Variants in MAGI2 observed in about 807,000 individuals in gnomAD.
MAGI2 encodes membrane associated guanylate kinase, WW and PDZ domain containing 2, also known as membrane-associated guanylate kinase, WW and PDZ domain-containing protein 2.
Under a neutral mutation model 133.3 loss-of-function variants are expected in MAGI2, and 35 were observed. The ratio of observed to expected loss-of-function variants is 0.26; its 90% CI spans 0.20 to 0.35. The LOEUF (loss-of-function observed/expected upper bound fraction) is 0.35. Among genes scored for constraint, MAGI2 ranks in the 10% least tolerant of loss-of-function variants. The probability of loss-of-function intolerance (pLI) is 1.00; values close to 1 mark genes in which losing one functional copy is unlikely to be tolerated. For missense variants in MAGI2, 1,636 were observed against 1,863.4 expected (o/e 0.88, Z 2.25); for synonymous variants, 729 against 710.6 (o/e 1.03, Z -0.41).
At chr7:78,483,524 G>A (rs1792647806) in intron 6 of MAGI2, among the ~76,000 whole-genome samples, 1 of 151,740 alleles carries the variant, frequency 6.6e-6, no homozygotes, top group Non-Finnish European at 1.5e-5. Flanking sequence ...ATCAATAACA[G>A]ATTCTGGGAC....
chr7:78,382,160 T>C (rs1281029476), intron 6 of MAGI2, among the ~76,000 whole-genome samples: 1 of 148,776 alleles, frequency 6.7e-6, no homozygotes, highest in Admixed American at 6.8e-5. Flanking sequence ...TATATGCAGA[T>C]CATATTGTTA....
chr7:79,248,095 T>C (rs1462684212), intron 1 of MAGI2, among the ~76,000 whole-genome samples: 1 of 151,926 alleles, frequency 6.6e-6, no homozygotes, highest in Non-Finnish European at 1.5e-5. Flanking sequence ...GAAAATAAGA[T>C]GCAATGATTT....
At chr7:78,443,114 T>C (rs2151463243) in intron 6 of MAGI2, among the ~76,000 whole-genome samples, 1 of 152,316 alleles carries the variant, frequency 6.6e-6, no homozygotes, top group Admixed American at 6.5e-5. Flanking sequence ...ATACTCTATC[T>C]AGACTTTGAA....
intron 1 of MAGI2, among the ~76,000 whole-genome samples, chr7:79,208,789 T>A (rs1829271014): frequency 6.6e-6 from 1 of 152,028 alleles, no homozygotes; most frequent in Admixed American, 6.6e-5. Flanking sequence ...TAAGTGTTCA[T>A]CAGTGGATGA....
intron 16 of MAGI2, among the ~76,000 whole-genome samples, chr7:78,147,071 A>G (rs941078458): frequency 2.0e-5 from 3 of 152,232 alleles, no homozygotes; most frequent in African/African-American, 7.2e-5. Flanking sequence ...TATATTATCC[A>G]GAAGATTACA....
At chr7:78,931,083 G>A (rs1800077966) in intron 2 of MAGI2, among the ~76,000 whole-genome samples, 1 of 152,020 alleles carries the variant, frequency 6.6e-6, no homozygotes, top group Non-Finnish European at 1.5e-5. Flanking sequence ...TGGGAGGAAG[G>A]GAAACTCATG....
chr7:78,995,531 C>T (rs969077723), intron 2 of MAGI2, among the ~76,000 whole-genome samples: 8 of 152,046 alleles, frequency 5.3e-5, no homozygotes, highest in Non-Finnish European at 1.0e-4. Context: ...GTCAGTCAAT[C>T]GACCTTCACT....
In MAGI2 at chr7:78,602,220, C is replaced by T. The variant is rs139291317; in HGVS notation, c.538+24900G>A. ...TGTTGTTTCACTCTTGTTGCAATGGCGCTATCTTTGCTGACTGCAGCAGCT... is the reference window on the plus strand; with the variant it reads ...TGTTGTTTCACTCTTGTTGCAATGGTGCTATCTTTGCTGACTGCAGCAGCT... On this transcript the variant is annotated intron_variant, in intron 3 of 21. Transcript: ENST00000354212. Among the ~76,000 whole-genome samples the T allele has an allele frequency of 1.0e-3, 153 of 152,154 alleles. 1 individual carries two copies. Among genetic ancestry groups the T allele is most frequent in the African/African-American group, 3.5e-3 (144 of 41,504 alleles).
intron 6 of MAGI2, among the ~76,000 whole-genome samples, chr7:78,481,702 C>T (rs1406236472): frequency 7.4e-6 from 1 of 135,132 alleles, no homozygotes; most frequent in Non-Finnish European, 1.6e-5. Flanking sequence ...AGTTCAACAT[C>T]CATAGGGAAA....
chr7:78,656,276 T>C (rs1355374209), intron 2 of MAGI2, among the ~76,000 whole-genome samples: 5 of 152,178 alleles, frequency 3.3e-5, no homozygotes, highest in South Asian at 2.1e-4. Flanking sequence ...TTTTTCTCAT[T>C]GGAATCAACC....
Position 79,216,678 on chromosome 7 carries a change from A to G in MAGI2, c.302-209472T>C, listed in dbSNP as rs191924159. ...AACAGATGAGCCACACCCCTGTTGC[A>G]TGTCCTGCAAGGGGCGTCAGGGAAC... On this transcript the variant is annotated intron_variant, in intron 1 of 21. Coordinates refer to ENST00000354212, the MANE Select transcript of MAGI2 (RefSeq NM_012301.4). Among the ~76,000 whole-genome samples, 13 of 152,174 alleles carry G rather than the reference A, an allele frequency of 8.5e-5. No individual in the cohort carries two copies. In the East Asian group the frequency reaches 2.3e-3, roughly 27 times the overall value.
At chr7:79,038,041 T>C (rs1237034594) in intron 1 of MAGI2, among the ~76,000 whole-genome samples, 1 of 152,216 alleles carries the variant, frequency 6.6e-6, no homozygotes, top group Non-Finnish European at 1.5e-5. Flanking sequence ...TCATGTAATG[T>C]CTAGAAGTTT....
At chr7:78,485,813 T>G (rs753742124) in intron 6 of MAGI2, 1 of 152,040 alleles carries the variant, frequency 6.6e-6, no homozygotes, top group Non-Finnish European at 1.5e-5. Flanking sequence ...GTGAAGATTT[T>G]ATGACATCCA....
At chr7:78,128,563 G>C (rs1176195723) in intron 18 of MAGI2, among the ~76,000 whole-genome samples, 1 of 151,984 alleles carries the variant, frequency 6.6e-6, no homozygotes, top group South Asian at 2.1e-4. Flanking sequence ...CTTTAAAAGA[G>C]TCTGGATTTT....
intron 2 of MAGI2, among the ~76,000 whole-genome samples, chr7:78,710,764 T>C (rs1228625867): frequency 6.6e-6 from 1 of 152,112 alleles, no homozygotes; most frequent in Non-Finnish European, 1.5e-5. Context: ...TCTAGAGTCA[T>C]ATGGTTTGTC....
intron 2 of MAGI2, chr7:78,771,171 TCTC>T: frequency 6.6e-6 from 1 of 152,064 alleles, no homozygotes; most frequent in Non-Finnish European, 1.5e-5. Flanking sequence ...TCTCCCTCTC[TCTC>T]CTTCTCCCCT....
intron 2 of MAGI2, among the ~76,000 whole-genome samples, chr7:78,912,507 T>C (rs976134744): frequency 2.6e-5 from 4 of 151,866 alleles, no homozygotes; most frequent in Non-Finnish European, 5.9e-5. Context: ...CAGCTGCCAG[T>C]AAATATAAGC....
intron 9 of MAGI2, among the ~76,000 whole-genome samples, chr7:78,267,754 G>A (rs898760667): frequency 4.6e-5 from 7 of 152,106 alleles, no homozygotes; most frequent in African/African-American, 4.8e-5. Context: ...TACCCTCTCC[G>A]TGTTAGACAC....
intron 3 of MAGI2, among the ~76,000 whole-genome samples, chr7:78,597,597 C>T (rs1804748247): frequency 6.6e-6 from 1 of 152,150 alleles, no homozygotes; most frequent in East Asian, 1.9e-4. Context: ...ATCATTTATA[C>T]ATCACTAAAT....
Sources: allele counts gnomAD v4.1 joint callset (sites outside exome capture counted in the v4.1 genomes callset), GRCh38; gene constraint gnomAD v4.1.1; transcripts MANE v1.5; gene names NCBI Gene and HGNC (gene_info 2026-07-23, HGNC 2026-07-21).